PHRF1: variants seen among roughly 807,000 people sequenced by gnomAD.
PHRF1 encodes the protein PHD and ring finger domains 1.
PHRF1 carries 53 observed loss-of-function variants against 128.9 expected under a neutral mutation model. That is an observed-to-expected ratio of 0.41 (90% CI 0.33 to 0.52). The LOEUF (loss-of-function observed/expected upper bound fraction) is 0.52, where lower values mean the gene tolerates loss of function less well. Ranked by LOEUF, PHRF1 falls within the 20% of genes least tolerant of loss-of-function variation. The pLI, the probability that PHRF1 is intolerant of heterozygous loss-of-function variation, is 0.21. For synonymous variants in PHRF1, 1,178 were observed against 980.6 expected, an observed-to-expected ratio of 1.20 and a Z score of -3.76; for missense variants, 2,503 against 2,284.5, an observed-to-expected ratio of 1.10 and a Z score of -1.95.
intron 9 of PHRF1, among the ~76,000 whole-genome samples, chr11:600,493 A>AATAAATAAATAAAT (rs961079986): frequency 3.1e-5 from 4 of 129,342 alleles, no homozygotes; most frequent in African/African-American, 9.4e-5. Flanking sequence ...TGTCTCCAAA[A>AATAAATAAATAAAT]ATATATATAT....
rs1221231079 is a variant in PHRF1, at chr11:609,037, G to C, written c.3581G>C (p.Arg1194Thr). 8 of 1,595,052 alleles carry C rather than the reference G, an allele frequency of 5.0e-6. No homozygotes were observed. Among genetic ancestry groups the C allele is most frequent in the Non-Finnish European group, 4.3e-6 (5 of 1,171,432 alleles). The part of the protein sequence containing the change: ...WPQTRSHSPE[R>T]KGAVREASPA... ...CAGACCCGGTCCCATTCCCCAGAGA[G>C]GAAGGGGGCTGTGAGGGAGGCTTCC... The change falls in exon 14 of 18, where the codon AGG becomes ACG. Residue 1194 changes from arginine to threonine, a missense_variant. Coordinates refer to ENST00000264555, the MANE Select transcript of PHRF1 (RefSeq NM_001286581.2).
intron 6 of PHRF1, 115 bp downstream of exon 6, chr11:592,789 G>A: frequency 8.7e-7 from 1 of 1,146,558 alleles, no homozygotes; most frequent in Non-Finnish European, 1.3e-6. Flanking sequence ...ACCTGGAGCT[G>A]TGCTCACCAC....
intron 10 of PHRF1, among the ~76,000 whole-genome samples, chr11:604,485 G>A (rs1377764725): frequency 6.6e-6 from 1 of 152,194 alleles, no homozygotes; most frequent in Non-Finnish European, 1.5e-5. Flanking sequence ...ATCTAAATTT[G>A]TGTCATCTTC....
intron 14 of PHRF1, among the ~76,000 whole-genome samples, chr11:609,938 CAG>C (rs1387231812): frequency 6.6e-6 from 1 of 152,194 alleles, no homozygotes; most frequent in East Asian, 1.9e-4. Flanking sequence ...CCGGCCACCA[CAG>C]GGAGCTTCTG....
At chr11:590,829 G>A (rs573726234) in intron 4 of PHRF1, among the ~76,000 whole-genome samples, 4 of 151,904 alleles carry the variant, frequency 2.6e-5, no homozygotes, top group African/African-American at 7.3e-5. Context: ...TCAGCCTCCC[G>A]AGTAGCTGGG....
chr11:602,120 T>C (rs918252752), intron 10 of PHRF1, among the ~76,000 whole-genome samples: 1 of 152,142 alleles, frequency 6.6e-6, no homozygotes, highest in South Asian at 2.1e-4. Flanking sequence ...TGACAGGCCC[T>C]GTCCACCTCT....
In PHRF1 at chr11:609,247, C is replaced by G; in HGVS notation, c.3791C>G (p.Ser1264Cys). ...GACCTGGACCTGGATTATGGCGACT[C>G]CGTGGAGGCCGGACACGTCTTTGAT... ...PDDLDLDYGD[S>C]VEAGHVFDDF... is the part of the protein sequence containing the mutation. Residue 1264 changes from serine (S) to cysteine (C), a missense_variant, in exon 14 of 18, where the codon TCC (serine) becomes TGC (cysteine). Coordinates refer to ENST00000264555, the MANE Select transcript of PHRF1 (RefSeq NM_001286581.2). 1 of 1,611,590 alleles carries G rather than the reference C, an allele frequency of 6.2e-7. No homozygotes were observed. The highest frequency in any genetic ancestry group is 8.5e-7 in the Non-Finnish European group (1 of 1,179,890).
chr11:601,493 C>G, intron 9 of PHRF1, 81 bp from the exon 10 acceptor site: 4 of 1,573,370 alleles, frequency 2.5e-6, no homozygotes, highest in Non-Finnish European at 1.7e-6. Flanking sequence ...CCTTGGGCTC[C>G]GTCCACTGGG....
chr11:608,888 G>T lies in PHRF1; in HGVS notation c.3432G>T (p.Glu1144Asp), dbSNP rs1222328795. ...AGCATCAGCGGGAACGCAGCCACGAGCGGCCAGACAGGAAGGAGAGTGTGG... is the reference window on the plus strand; with the variant it reads ...AGCATCAGCGGGAACGCAGCCACGATCGGCCAGACAGGAAGGAGAGTGTGG... ...RHKHQRERSHERPDRKESVAW... is the reference protein window; with the variant it reads ...RHKHQRERSHDRPDRKESVAW... The change falls in exon 14 of 18, where the codon GAG becomes GAT. Residue 1144 changes from glutamate (E) to aspartate (D), a missense_variant. Physicochemically the swap from Glu to Asp is conservative, Grantham distance 45 (BLOSUM62 2). Coordinates refer to ENST00000264555, the MANE Select transcript of PHRF1 (RefSeq NM_001286581.2). 6.2e-7 allele frequency: 1 copy of T among 1,612,230 alleles called. No homozygotes were observed. Among genetic ancestry groups the T allele is most frequent in the African/African-American group, 1.3e-5 (1 of 74,886 alleles).
chr11:579,271 C>T (rs909604553), intron 1 of PHRF1, among the ~76,000 whole-genome samples: 3 of 88,650 alleles, frequency 3.4e-5, no homozygotes, highest in South Asian at 2.6e-4. Flanking sequence ...CAGCCCTGCT[C>T]TGTTATCTCT....
intron 6 of PHRF1, among the ~76,000 whole-genome samples, chr11:593,222 C>T (rs1225084021): frequency 6.6e-6 from 1 of 152,230 alleles, no homozygotes; most frequent in Non-Finnish European, 1.5e-5. Flanking sequence ...AGCAGATGCC[C>T]CCTTCCCCGT....
In PHRF1 at chr11:596,955, A is replaced by G; in HGVS notation, c.653A>G (p.Gln218Arg). 6.2e-7 allele frequency: 1 copy of G among 1,613,832 alleles called. No homozygotes were observed. The highest frequency in any genetic ancestry group is 8.5e-7 in the Non-Finnish European group (1 of 1,179,862). The change falls in exon 7 of 18, where the codon CAG becomes CGG. Residue 218 changes from glutamine to arginine, a missense_variant. Physicochemically the swap from Gln to Arg is conservative, Grantham distance 43 (BLOSUM62 1). Transcript: ENST00000264555. ...ATGGAATGCTTGGACCCCCCTCTCCAGGAGGTGCCGGTGGACGAGTGGTTC... is the reference window on the plus strand; with the variant it reads ...ATGGAATGCTTGGACCCCCCTCTCCGGGAGGTGCCGGTGGACGAGTGGTTC... ...YHMECLDPPL[Q>R]EVPVDEWFCP...
In PHRF1 at chr11:608,274, C is replaced by T. The variant is rs1856087536; in HGVS notation, c.2818C>T (p.Pro940Ser). 1.9e-6 allele frequency: 3 copies of T among 1,609,902 alleles called. No individual in the cohort carries two copies. The highest frequency in any genetic ancestry group is 1.7e-5 in the Admixed American group (1 of 59,778). The change falls in exon 14 of 18, where the codon CCC (proline) becomes TCC (serine). Residue 940 changes from proline to serine, a missense_variant. Pro to Ser is a moderately conservative substitution (Grantham distance 74). Coordinates refer to ENST00000264555, the MANE Select transcript of PHRF1 (RefSeq NM_001286581.2). The part of the protein sequence containing the change: ...ARLRRPSPPE[P>S]WDEEDGASCS... ...GCTGCGGAGGCCATCCCCCCCAGAG[C>T]CCTGGGATGAGGAGGATGGGGCGTC... is the stretch of plus-strand genomic sequence containing the variant.
chr11:603,817 C>G (rs563209473), intron 10 of PHRF1, among the ~76,000 whole-genome samples: 1 of 144,238 alleles, frequency 6.9e-6, no homozygotes, highest in East Asian at 2.1e-4. Flanking sequence ...TCACTGCAAC[C>G]TCGGCCTCCC....
rs1012196879 is a variant in PHRF1 at position 608,471 on chromosome 11, C to T, written c.3015C>T (p.Ala1005=). The change falls in exon 14 of 18, where the codon GCC becomes GCT. Residue 1005 remains alanine, a synonymous_variant. Transcript: ENST00000264555. ...CCAGCTCCCGCAGCAGGAAGAAGGC[C>T]AAGAGGAAGAGGGTGTCCAGGGAGC... ...STSSSRSRKK[A]KRKRVSREHG... is the part of the protein sequence containing the mutation. 6.2e-7 allele frequency: 1 copy of T among 1,612,488 alleles called. No individual in the cohort carries two copies. Among genetic ancestry groups the T allele is most frequent in the South Asian group, 1.1e-5 (1 of 91,076 alleles).
chr11:606,300 C>T, intron 12 of PHRF1, 142 bp from the exon 13 acceptor site: 1 of 1,136,320 alleles, frequency 8.8e-7, no homozygotes, highest in Non-Finnish European at 1.2e-6. Flanking sequence ...AGAACAGCAG[C>T]CGGAGCCAGG....
chr11:583,635 A>G (rs553724290), intron 3 of PHRF1, among the ~76,000 whole-genome samples: 18 of 152,168 alleles, frequency 1.2e-4, no homozygotes, highest in Admixed American at 4.6e-4. Flanking sequence ...GCCCAGGCCC[A>G]TGGTCTCAGC....
intron 6 of PHRF1, among the ~76,000 whole-genome samples, chr11:595,631 A>G (rs917778319): frequency 6.6e-6 from 1 of 152,122 alleles, no homozygotes; most frequent in Non-Finnish European, 1.5e-5. Context: ...CTTCTCGGGG[A>G]TGAGTGTGGG....
chr11:596,998 G>C lies in PHRF1; in HGVS notation c.696G>C (p.Ala232=). 1.2e-6 allele frequency: 2 copies of C among 1,613,840 alleles called. No individual in the cohort carries two copies. The highest frequency in any genetic ancestry group is 1.7e-6 in the Non-Finnish European group (2 of 1,179,856). The change falls in exon 7 of 18, where the codon GCG becomes GCC. Residue 232 remains alanine (A), a synonymous_variant. Coordinates refer to ENST00000264555, the MANE Select transcript of PHRF1 (RefSeq NM_001286581.2). Reference sequence around the variant, plus strand: ...AGTGGTTCTGCCCGGAATGTGCTGCGCCTGGTGTTGTCCTTGCCGCTGGTA... The same window carrying C: ...AGTGGTTCTGCCCGGAATGTGCTGCCCCTGGTGTTGTCCTTGCCGCTGGTA... ...VDEWFCPECA[A]PGVVLAADAG... is the part of the protein sequence containing the mutation.
Sources: gnomAD v4.1 joint callset for allele counts (sites outside exome capture counted in the v4.1 genomes callset) on GRCh38, gnomAD v4.1.1 for gene constraint, MANE v1.5 for transcripts, NCBI Gene and HGNC (gene_info 2026-07-23, HGNC 2026-07-21) for gene names.